Variants in ZNF12 observed in about 807,000 individuals in gnomAD.
ZNF12 encodes zinc finger protein 12.
ZNF12 carries 34 observed loss-of-function variants against 66.6 expected under a neutral mutation model. The ratio of observed to expected loss-of-function variants is 0.51; its 90% CI spans 0.39 to 0.68. The LOEUF is 0.68. Ranked by LOEUF, ZNF12 falls within the 30% of genes least tolerant of loss-of-function variation. ZNF12 has a pLI of 0.00. For synonymous variants in ZNF12, 320 were observed against 278.9 expected (o/e 1.15, Z -1.47); for missense variants, 697 against 826.9 (o/e 0.84, Z 1.93).
At position 6,692,684 on chromosome 7, in the gene ZNF12, A is replaced by C. The variant is rs61227179; in HGVS notation, c.258T>G (p.Asp86Glu). The C allele has an allele frequency of 0.056, 88,924 of 1,580,458 alleles. 3,516 individuals carry two copies. Among genetic ancestry groups the C allele is most frequent in the African/African-American group, 0.2 (14,999 of 73,204 alleles). ...CTTCCTGGATTCTCTCTATTAGGTCATCAGTTTGCCAGACTTCATCTAAAG... is the reference window on the plus strand; with the variant it reads ...CTTCCTGGATTCTCTCTATTAGGTCCTCAGTTTGCCAGACTTCATCTAAAG... ...QSYPDEVWQT[D>E]DLIERIQEEE... The change falls in exon 5 of 5, where the codon GAT (aspartate) becomes GAG (glutamate). Residue 86 changes from aspartate (D) to glutamate (E), a missense_variant. Transcript: ENST00000405858. The surrounding 1 kb of genome is among the most constrained non-coding windows in gnomAD (Gnocchi z 5.1).
chr7:6,695,370 C>G (rs1325291085), intron 4 of ZNF12, among the ~76,000 whole-genome samples: 1 of 152,084 alleles, frequency 6.6e-6, no homozygotes, highest in East Asian at 1.9e-4. Context: ...GGATGTGACC[C>G]AGGCATGCAT....
Position 6,697,586 on chromosome 7 carries a change from A to G in ZNF12, c.142+99T>C, listed in dbSNP as rs959934853. Reference sequence around the variant, plus strand: ...AATGCCCTGCCTGGTGCCCAAAAACAGATTACTCACATTCGTCCCATCAAA... The same window carrying G: ...AATGCCCTGCCTGGTGCCCAAAAACGGATTACTCACATTCGTCCCATCAAA... On this transcript the variant is annotated intron_variant, in intron 3 of 4. Coordinates refer to ENST00000405858, the MANE Select transcript of ZNF12 (RefSeq NM_016265.4). The surrounding 1 kb of genome is among the most constrained non-coding windows in gnomAD (Gnocchi z 6.1). 3.8e-6 allele frequency: 6 copies of G among 1,568,816 alleles called. No individual in the cohort carries two copies. In the African/African-American group the frequency reaches 8.1e-5, roughly 21 times the overall value.
rs1179555737 is a variant in ZNF12, at chr7:6,690,323, T to C, written c.*525A>G. Reference sequence around the variant, plus strand: ...ATAAAAACAACCCTCTCCCCAAACATAAGTCCTATGTTCTTTGGGAACTGC... The same window carrying C: ...ATAAAAACAACCCTCTCCCCAAACACAAGTCCTATGTTCTTTGGGAACTGC... On this transcript the variant is annotated 3_prime_UTR_variant, in exon 5 of 5. Coordinates refer to ENST00000405858, the MANE Select transcript of ZNF12 (RefSeq NM_016265.4). 6.6e-6 allele frequency: 1 copy of C among 152,310 alleles called. No individual in the cohort carries two copies. Among genetic ancestry groups the C allele is most frequent in the Non-Finnish European group, 1.5e-5 (1 of 68,106 alleles). The allele number at this position is 152,310 out of a possible 1,614,324, so 9.4% of individuals were successfully genotyped here.
In ZNF12 at chr7:6,691,181, G is replaced by A. The variant is rs747434695; in HGVS notation, c.1761C>T (p.Cys587=). The A allele has an allele frequency of 3.7e-6, 6 of 1,613,900 alleles. No homozygotes were observed. The highest frequency in any genetic ancestry group is 5.1e-6 in the Non-Finnish European group (6 of 1,179,948). Residue 587 remains cysteine (C), a synonymous_variant, in exon 5 of 5, where the codon TGC becomes TGT. Coordinates refer to ENST00000405858, the MANE Select transcript of ZNF12 (RefSeq NM_016265.4). ...YECSECGKTF[C]QNSALNRHQR... is the part of the protein sequence containing the mutation. ...GATGTCGATTAAGGGCTGAATTCTG[G>A]CAGAAGGTTTTCCCACATTCACTAC...
In ZNF12 at chr7:6,691,169, G is replaced by T. The variant is rs1428740647; in HGVS notation, c.1773C>A (p.Ala591=). 6.2e-7 allele frequency: 1 copy of T among 1,613,688 alleles called. No homozygotes were observed. ...ECGKTFCQNS[A]LNRHQRTHTG... ...TGTGTGTTCTCTGATGTCGATTAAG[G>T]GCTGAATTCTGGCAGAAGGTTTTCC... The change falls in exon 5 of 5, where the codon GCC becomes GCA. Residue 591 remains alanine, a synonymous_variant. Transcript: ENST00000405858.
At chr7:6,700,117 CT>C (rs1780211423) in intron 2 of ZNF12, among the ~76,000 whole-genome samples, 1 of 151,690 alleles carries the variant, frequency 6.6e-6, no homozygotes, top group South Asian at 2.1e-4. Flanking sequence ...AACCCCGTCT[CT>C]ACTAAAAATA....
intron 1 of ZNF12, among the ~76,000 whole-genome samples, chr7:6,706,225 G>T (rs1409936382): frequency 6.6e-6 from 1 of 152,170 alleles, no homozygotes; most frequent in Admixed American, 6.5e-5. Context: ...GGTGAGGGGG[G>T]AGTGGAGACA....
chr7:6,695,903 C>T (rs3801035), intron 4 of ZNF12, among the ~76,000 whole-genome samples: 13,071 of 152,156 alleles, frequency 0.086, 641 homozygotes, highest in Middle Eastern at 0.15. Flanking sequence ...GCTGTAGGGA[C>T]AATAGTATCA....
intron 4 of ZNF12, among the ~76,000 whole-genome samples, chr7:6,695,613 A>C (rs899407695): frequency 5.9e-5 from 9 of 152,252 alleles, no homozygotes; most frequent in South Asian, 2.1e-4. Flanking sequence ...AGAAAGAAAT[A>C]TCTCTCTCTG....
intron 2 of ZNF12, among the ~76,000 whole-genome samples, chr7:6,699,956 C>A (rs1308949568): frequency 6.6e-6 from 1 of 151,806 alleles, no homozygotes; most frequent in Non-Finnish European, 1.5e-5. Context: ...TTTTTTAAAT[C>A]TCTATTTTAA....
chr7:6,702,505 C>CACA (rs1165500232), intron 2 of ZNF12, among the ~76,000 whole-genome samples: 1 of 30,980 alleles, frequency 3.2e-5, no homozygotes, highest in Non-Finnish European at 6.3e-5. Context: ...CACACACACA[C>CACA]ACAGATTTAT....
chr7:6,705,044 G>A lies in ZNF12; in HGVS notation c.15+115C>T. On this transcript the variant is annotated intron_variant, in intron 2 of 4. Coordinates refer to ENST00000405858, the MANE Select transcript of ZNF12 (RefSeq NM_016265.4). This position sits in a 1 kb window ranked among gnomAD's most constrained non-coding sequence, Gnocchi z 4.0. ...GGTGCTGATGGCTACTGTTCTGTCT[G>A]ACCAAATCTTGTATCTATTTCTACT... is the stretch of plus-strand genomic sequence containing the variant. 7.8e-7 allele frequency: 1 copy of A among 1,283,614 alleles called. No individual in the cohort carries two copies. Among genetic ancestry groups the A allele is most frequent in the Non-Finnish European group, 1.1e-6 (1 of 939,466 alleles). The allele number at this position is 1,283,614 out of a possible 1,614,324, so 79.5% of individuals were successfully genotyped here. A position where few individuals can be genotyped will look rare whatever the true frequency, so the allele number is the denominator to read the frequency against.
chr7:6,690,659 G>A lies in ZNF12; in HGVS notation c.*189C>T, dbSNP rs774433187. 7 of 587,914 alleles carry A rather than the reference G, an allele frequency of 1.2e-5. No individual in the cohort carries two copies. The highest frequency in any genetic ancestry group is 1.7e-5 in the Non-Finnish European group (6 of 343,252). 36.4% of individuals were successfully genotyped at this position (587,914 alleles called of 1,614,324 possible). The stretch of plus-strand genomic sequence containing the variant: ...TTTTACTTGTCTATAGTCTAGTATT[G>A]TTATACCATGTGGTCTTGTTATAAT... On this transcript the variant is annotated 3_prime_UTR_variant, in exon 5 of 5. Transcript: ENST00000405858.
Position 6,705,730 on chromosome 7 carries a change from A to AAAAAG in ZNF12, c.-50-508_-50-507insCTTTT, listed in dbSNP as rs57140510. ...CGAAACTTGTCTCAAAAACAAACAAACAAACAAACAAAAAACAAACAACAA... is the reference window on the plus strand; with the variant it reads ...CGAAACTTGTCTCAAAAACAAACAAAAAAAGCAAACAAACAAAAAACAAACAACAA... On this transcript the variant is annotated intron_variant, in intron 1 of 4. Coordinates refer to ENST00000405858, the MANE Select transcript of ZNF12 (RefSeq NM_016265.4). This position sits in a 1 kb window ranked among gnomAD's most constrained non-coding sequence, Gnocchi z 4.0. Among the ~76,000 whole-genome samples, 1 of 151,990 alleles carries AAAAAG rather than the reference A, an allele frequency of 6.6e-6. No individual in the cohort carries two copies. The highest frequency in any genetic ancestry group is 2.4e-5 in the African/African-American group (1 of 41,342).
chr7:6,691,703 T>C lies in ZNF12; in HGVS notation c.1239A>G (p.Glu413=). The C allele has an allele frequency of 6.2e-7, 1 of 1,613,928 alleles. No homozygotes were observed. The highest frequency in any genetic ancestry group is 8.5e-7 in the Non-Finnish European group (1 of 1,179,878). ...ACTTGCGGCAGAAGCATTTCCCACA[T>C]TCACTACACTTGTAGAGTTTCACAC... The part of the protein sequence containing the change: ...HTGVKLYKCS[E]CGKCFCRKST... Residue 413 remains glutamate, a synonymous_variant, in exon 5 of 5, where the codon GAA becomes GAG. Transcript: ENST00000405858.
At chr7:6,695,794 A>G (rs572710605) in intron 4 of ZNF12, among the ~76,000 whole-genome samples, 1 of 152,362 alleles carries the variant, frequency 6.6e-6, no homozygotes, top group East Asian at 1.9e-4. Flanking sequence ...AGGGAGATAC[A>G]GAAGTCATGA....
At chr7:6,700,837 G>A (rs538835142) in intron 2 of ZNF12, 5 of 152,200 alleles carry the variant, frequency 3.3e-5, no homozygotes, top group Admixed American at 1.3e-4. Context: ...CCCTAATGCT[G>A]GTCTCCTGAG....
In ZNF12 at chr7:6,692,112, G is replaced by A; in HGVS notation, c.830C>T (p.Ser277Phe). The change falls in exon 5 of 5, where the codon TCC (serine) becomes TTC (phenylalanine). Residue 277 changes from serine (S) to phenylalanine (F), a missense_variant. Physicochemically the swap from Ser to Phe is radical, Grantham distance 155. This residue lies in a region of ZNF12 where 401 missense variants were observed against 519.0 expected (regional missense o/e 0.77). Transcript: ENST00000405858. This position sits in a 1 kb window ranked among gnomAD's most constrained non-coding sequence, Gnocchi z 5.1. ...AATAAATTTTGACTTTTTACAGAAG[G>A]ATTTCCCACATTCACTGCATTCATA... ...KPYECSECGKSFCKKSKFIIH... is the reference protein window; with the variant it reads ...KPYECSECGKFFCKKSKFIIH... The A allele has an allele frequency of 6.2e-7, 1 of 1,613,964 alleles. No homozygotes were observed. The highest frequency in any genetic ancestry group is 1.3e-5 in the African/African-American group (1 of 75,000).
In ZNF12 at chr7:6,691,608, A is replaced by C. The variant is rs760393306; in HGVS notation, c.1334T>G (p.Phe445Cys). 1 of 1,613,644 alleles carries C rather than the reference A, an allele frequency of 6.2e-7. No homozygotes were observed. The highest frequency in any genetic ancestry group is 1.7e-5 in the Admixed American group (1 of 59,976). The change falls in exon 5 of 5, where the codon TTC becomes TGC. Residue 445 changes from phenylalanine (F) to cysteine (C), a missense_variant. By Grantham distance (205) the Phe-to-Cys change is radical. Coordinates refer to ENST00000405858, the MANE Select transcript of ZNF12 (RefSeq NM_016265.4). ...AGTGAGATATGACAACCGAGAGAAGAATTTTCCACACTCATTACATTCATA... is the reference window on the plus strand; with the variant it reads ...AGTGAGATATGACAACCGAGAGAAGCATTTTCCACACTCATTACATTCATA... The part of the protein sequence containing the change: ...KPYECNECGK[F>C]FSRLSYLTVH...
Sources: gnomAD v4.1 joint callset for allele counts (sites outside exome capture counted in the v4.1 genomes callset) on GRCh38, gnomAD v4.1.1 for gene constraint, gnomAD v4.1.1 regional missense constraint, Gnocchi (gnomAD v3.1) non-coding constraint, MANE v1.5 for transcripts, NCBI Gene and HGNC (gene_info 2026-07-23, HGNC 2026-07-21) for gene names.